Variants in CACNA2D3 observed in about 807,000 individuals in gnomAD.
The protein encoded by CACNA2D3 is voltage-dependent calcium channel subunit alpha-2/delta-3.
CACNA2D3 carries 60 observed loss-of-function variants against 160.6 expected under a neutral mutation model. The observed-to-expected ratio is 0.37, with a 90% confidence interval of 0.30 to 0.46. The LOEUF (loss-of-function observed/expected upper bound fraction) is 0.46, where lower values mean the gene tolerates loss of function less well. Ranked by LOEUF, CACNA2D3 falls within the 20% of genes least tolerant of loss-of-function variation. The pLI, the probability that CACNA2D3 is intolerant of heterozygous loss-of-function variation, is 1.00. For synonymous variants in CACNA2D3, 558 were observed against 492.9 expected (o/e 1.13, Z -1.75); for missense variants, 1,205 against 1,365.0 (o/e 0.88, Z 1.85).
chr3:55,074,140 G>T lies in CACNA2D3; in HGVS notation c.3210G>T (p.Ala1070=). 6.2e-7 allele frequency: 1 copy of T among 1,613,790 alleles called. No individual in the cohort carries two copies. The highest frequency in any genetic ancestry group is 8.5e-7 in the Non-Finnish European group (1 of 1,179,784). The part of the protein sequence containing the change: ...PEENARECGG[A]PSLQAQTVLL... Reference sequence around the variant, plus strand: ...AGAATGCAAGGGAGTGTGGGGGTGCGCCGAGTCTCCAAGCCCAGACAGTCC... The same window carrying T: ...AGAATGCAAGGGAGTGTGGGGGTGCTCCGAGTCTCCAAGCCCAGACAGTCC... Residue 1070 remains alanine (A), a synonymous_variant, in exon 38 of 38, where the codon GCG becomes GCT. Coordinates refer to ENST00000474759, the MANE Select transcript of CACNA2D3 (RefSeq NM_018398.3).
chr3:54,792,619 A>G (rs1247649000), intron 13 of CACNA2D3, among the ~76,000 whole-genome samples: 1 of 152,092 alleles, frequency 6.6e-6, no homozygotes, highest in Non-Finnish European at 1.5e-5. Flanking sequence ...TGTGCAGTCA[A>G]GATCGTCATC....
chr3:54,400,317 C>G (rs1699430988), intron 4 of CACNA2D3, among the ~76,000 whole-genome samples: 1 of 151,964 alleles, frequency 6.6e-6, no homozygotes, highest in Non-Finnish European at 1.5e-5. Context: ...GCCATCTTGG[C>G]TCCTCCGAGA....
intron 29 of CACNA2D3, among the ~76,000 whole-genome samples, chr3:54,973,373 G>A (rs1702316772): frequency 2.0e-5 from 3 of 152,164 alleles, no homozygotes; most frequent in Admixed American, 2.0e-4. Context: ...GAGAGTACCA[G>A]GAGTTAGCAA....
chr3:54,356,327 A>G lies in CACNA2D3; in HGVS notation c.322-30388A>G, dbSNP rs1575412737. Reference sequence around the variant, plus strand: ...ATCTGAAACTCATCGTTGTTGTGTTATATATGAACTAAAAACTGTCTTTCA... The same window carrying G: ...ATCTGAAACTCATCGTTGTTGTGTTGTATATGAACTAAAAACTGTCTTTCA... On this transcript the variant is annotated intron_variant, in intron 3 of 37. Transcript: ENST00000474759. 2.0e-5 allele frequency among the ~76,000 whole-genome samples: 3 copies of G among 152,212 alleles called. No homozygotes were observed. The South Asian group carries it at 6.2e-4, about 31-fold the overall frequency.
intron 11 of CACNA2D3, among the ~76,000 whole-genome samples, chr3:54,729,982 G>A (rs1226996443): frequency 1.6e-5 from 2 of 122,970 alleles, no homozygotes; most frequent in Non-Finnish European, 3.2e-5. Context: ...CTGGACAACA[G>A]AGCAAGACTC....
intron 5 of CACNA2D3, among the ~76,000 whole-genome samples, chr3:54,513,743 C>T (rs529950174): frequency 6.1e-4 from 93 of 152,164 alleles, no homozygotes; most frequent in African/African-American, 2.0e-3. Context: ...TGCAGTGGTG[C>T]GATCTCAGCT....
chr3:54,730,733 C>T (rs1174886927), intron 11 of CACNA2D3, among the ~76,000 whole-genome samples: 10 of 152,106 alleles, frequency 6.6e-5, no homozygotes, highest in Non-Finnish European at 2.9e-5. Flanking sequence ...GAACTTCTGA[C>T]CTCAGGTGAT....
At position 54,991,224 on chromosome 3, in the gene CACNA2D3, A is replaced by ATT. The variant is rs72441718; in HGVS notation, c.2690+3487_2690+3488dup. 4.3e-4 allele frequency among the ~76,000 whole-genome samples: 59 copies of ATT among 138,724 alleles called. 1 individual carries two copies. Among genetic ancestry groups the ATT allele is most frequent in the African/African-American group, 1.1e-3 (41 of 37,576 alleles). The allele number at this position is 138,724 out of a possible 152,430, so 91.0% of individuals were successfully genotyped here. A position where few individuals can be genotyped will look rare whatever the true frequency, so the allele number is the denominator to read the frequency against. On this transcript the variant is annotated intron_variant, in intron 31 of 37. Transcript: ENST00000474759. ...GCCCTGTGTTCAAAAAGTGTCGAGTATTTTTTTTTTTTTTTTTGAGACAGA... is the reference window on the plus strand; with the variant it reads ...GCCCTGTGTTCAAAAAGTGTCGAGTATTTTTTTTTTTTTTTTTTTGAGACAGA...
chr3:54,352,908 C>T (rs1351894326), intron 3 of CACNA2D3, among the ~76,000 whole-genome samples: 5 of 151,912 alleles, frequency 3.3e-5, no homozygotes, highest in East Asian at 1.9e-4. Context: ...AATATTTATG[C>T]GGCACATGAG....
rs147318463 is a variant in CACNA2D3, at chr3:54,924,514, C to T, written c.2449+24646C>T. On this transcript the variant is annotated intron_variant, in intron 27 of 37. Transcript: ENST00000474759. The stretch of plus-strand genomic sequence containing the variant: ...GCACCGATGTGTAAAAGCCCAAATC[C>T]ACCCCTTACACACTCCTCCACATTC... 804 of 928,888 alleles carry T rather than the reference C, an allele frequency of 8.7e-4. 4 individuals are homozygous for T. In the African/African-American group the frequency reaches 0.011, roughly 13 times the overall value. 57.5% of individuals were successfully genotyped at this position (928,888 alleles called of 1,614,324 possible).
chr3:54,342,516 G>A (rs1258677941), intron 3 of CACNA2D3, among the ~76,000 whole-genome samples: 2 of 152,104 alleles, frequency 1.3e-5, no homozygotes, highest in East Asian at 1.9e-4. Context: ...TAGGAGTGGG[G>A]TAGATCATCC....
At chr3:54,885,773 A>G (rs1341672907) in intron 23 of CACNA2D3, among the ~76,000 whole-genome samples, 187 bp downstream of exon 23, 1 of 152,224 alleles carries the variant, frequency 6.6e-6, no homozygotes, top group Non-Finnish European at 1.5e-5. Flanking sequence ...GGAAAATTGT[A>G]CAGAATCCCC....
At chr3:54,808,182 G>C (rs1703184944) in intron 13 of CACNA2D3, among the ~76,000 whole-genome samples, 1 of 151,848 alleles carries the variant, frequency 6.6e-6, no homozygotes, top group Admixed American at 6.6e-5. Context: ...TTGTGCACAT[G>C]TACCCTACAA....
chr3:54,467,059 G>A (rs13080236), intron 4 of CACNA2D3, among the ~76,000 whole-genome samples: 40 of 152,202 alleles, frequency 2.6e-4, no homozygotes, highest in African/African-American at 7.7e-4. Context: ...TTGGTATGTC[G>A]TCTTTGAGTG....
chr3:54,957,782 T>C (rs970183182), intron 27 of CACNA2D3, among the ~76,000 whole-genome samples: 1 of 152,084 alleles, frequency 6.6e-6, no homozygotes, highest in African/African-American at 2.4e-5. Context: ...TCTCACCCGG[T>C]AGGATGAGCA....
chr3:54,212,964 C>T (rs1370686178), intron 2 of CACNA2D3, among the ~76,000 whole-genome samples: 2 of 152,090 alleles, frequency 1.3e-5, no homozygotes, highest in Non-Finnish European at 2.9e-5. Context: ...TTGCCCTTCT[C>T]TATATGTGAG....
At chr3:54,705,761 G>A (rs1309360439) in intron 11 of CACNA2D3, among the ~76,000 whole-genome samples, 1 of 152,160 alleles carries the variant, frequency 6.6e-6, no homozygotes, top group Non-Finnish European at 1.5e-5. Context: ...AAGAGTATAA[G>A]TTGCTTCAAA....
intron 2 of CACNA2D3, among the ~76,000 whole-genome samples, chr3:54,287,215 A>G (rs1703054659): frequency 6.6e-6 from 1 of 152,220 alleles, no homozygotes; most frequent in African/African-American, 2.4e-5. Flanking sequence ...TAGGCTCAAA[A>G]TAAAGGGACG....
intron 32 of CACNA2D3, among the ~76,000 whole-genome samples, chr3:55,005,768 A>G (rs930742762): frequency 3.3e-5 from 5 of 152,086 alleles, no homozygotes; most frequent in East Asian, 1.9e-4. Flanking sequence ...AAAAACACAG[A>G]AAAAAAACCA....
Sources: gnomAD v4.1 joint callset for allele counts (sites outside exome capture counted in the v4.1 genomes callset) on GRCh38, gnomAD v4.1.1 for gene constraint, MANE v1.5 for transcripts, NCBI Gene and HGNC (gene_info 2026-07-23, HGNC 2026-07-21) for gene names.